The following ITPR1 variants were observed in gnomAD, a reference collection of about 807,000 sequenced individuals.
The protein encoded by ITPR1 is inositol 1,4,5-trisphosphate receptor type 1, also known as inositol 1,4,5-trisphosphate-gated calcium channel ITPR1.
In ITPR1, 96 loss-of-function variants were observed where a neutral mutation model predicts 318.4. The ratio of observed to expected loss-of-function variants is 0.30; its 90% CI spans 0.26 to 0.36. The LOEUF is 0.36. Ranked by LOEUF, ITPR1 falls within the 10% of genes least tolerant of loss-of-function variation. ITPR1 has a pLI of 1.00. For synonymous variants in ITPR1, 1,312 were observed against 1,289.9 expected (o/e 1.02, Z -0.37); for missense variants, 2,440 against 3,460.2 (o/e 0.71, Z 7.40).
At chr3:4,581,238 G>A (rs575771840) in intron 4 of ITPR1, among the ~76,000 whole-genome samples, 1 of 152,316 alleles carries the variant, frequency 6.6e-6, no homozygotes, top group South Asian at 2.1e-4. Context: ...GGCAAGGTCA[G>A]CACCTTCTGT....
At chr3:4,559,050 G>A (rs533790015) in intron 4 of ITPR1, among the ~76,000 whole-genome samples, 1 of 152,088 alleles carries the variant, frequency 6.6e-6, no homozygotes, top group East Asian at 1.9e-4. Flanking sequence ...TAGAGATGGG[G>A]TCTTGCTATG....
At chr3:4,743,835 C>CTGTT (rs539367727) in intron 44 of ITPR1, among the ~76,000 whole-genome samples, 37 of 152,074 alleles carry the variant, frequency 2.4e-4, no homozygotes, top group Non-Finnish European at 2.2e-4. Flanking sequence ...GTTCGTTTGT[C>CTGTT]TGTTTGTTTG....
At chr3:4,689,728 A>G (rs1327972057) in intron 31 of ITPR1, among the ~76,000 whole-genome samples, 1 of 152,226 alleles carries the variant, frequency 6.6e-6, no homozygotes, top group Non-Finnish European at 1.5e-5. Context: ...TAAGCCTTCT[A>G]GAAGGTAACA....
At chr3:4,495,422 G>A (rs1028162622) in intron 2 of ITPR1, among the ~76,000 whole-genome samples, 1 of 152,176 alleles carries the variant, frequency 6.6e-6, no homozygotes, top group Non-Finnish European at 1.5e-5. Context: ...TAGTGGTATA[G>A]TGCTTTTGTT....
At chr3:4,539,703 A>T (rs116963721) in intron 4 of ITPR1, among the ~76,000 whole-genome samples, 18 of 152,274 alleles carry the variant, frequency 1.2e-4, no homozygotes, top group Middle Eastern at 3.4e-3. Flanking sequence ...TAATGGGTTA[A>T]TGGATTAATG....
intron 51 of ITPR1, among the ~76,000 whole-genome samples, chr3:4,784,769 C>CGCCT (rs2047074030): frequency 6.6e-6 from 1 of 150,562 alleles, no homozygotes. Flanking sequence ...TGGTGGCACA[C>CGCCT]GCCTGTAATT....
At chr3:4,636,083 C>T (rs2093180149) in intron 5 of ITPR1, among the ~76,000 whole-genome samples, 1 of 151,446 alleles carries the variant, frequency 6.6e-6, no homozygotes, top group Non-Finnish European at 1.5e-5. Flanking sequence ...TGGTCTCGAA[C>T]TCCCGACCTC....
intron 38 of ITPR1, among the ~76,000 whole-genome samples, chr3:4,711,218 A>G (rs1321131527): frequency 5.7e-5 from 8 of 141,178 alleles, no homozygotes; most frequent in African/African-American, 2.2e-4. Context: ...CTCAAAAAAA[A>G]AAAAAAAAAA....
At chr3:4,692,546 A>G (rs1446387184) in intron 32 of ITPR1, among the ~76,000 whole-genome samples, 3 of 152,232 alleles carry the variant, frequency 2.0e-5, no homozygotes, top group Non-Finnish European at 4.4e-5. Flanking sequence ...TAGAGCTCAT[A>G]AAGGTTAGTC....
chr3:4,766,851 G>A (rs2045849540), intron 45 of ITPR1, 141 bp downstream of exon 45: 3 of 634,320 alleles, frequency 4.7e-6, no homozygotes, highest in East Asian at 2.9e-5. Context: ...TGGTTATGAT[G>A]TAATTCTTCC....
Position 4,620,654 on chromosome 3 carries a change from G to C in ITPR1, c.164-7109G>C, listed in dbSNP as rs75603900. Among the ~76,000 whole-genome samples the C allele has an allele frequency of 8.3e-5, 12 of 144,778 alleles. No individual in the cohort carries two copies. The East Asian group carries it at 2.4e-3, about 29-fold the overall frequency. 95.0% of individuals were successfully genotyped at this position (144,778 alleles called of 152,430 possible). The stretch of plus-strand genomic sequence containing the variant: ...TGGGTTTTGTAGAAGATGGAGTTGG[G>C]TTTTTTCTTCTAATTTTCTTTGTGG... On this transcript the variant is annotated intron_variant, in intron 4 of 61. Transcript: ENST00000649015.
intron 13 of ITPR1, among the ~76,000 whole-genome samples, chr3:4,660,552 T>C (rs182538103): frequency 2.0e-5 from 3 of 152,336 alleles, no homozygotes; most frequent in African/African-American, 7.2e-5. Context: ...CTTTCCCTAC[T>C]GCAAGATTAG....
chr3:4,597,000 T>C (rs990679949), intron 4 of ITPR1, among the ~76,000 whole-genome samples: 6 of 152,306 alleles, frequency 3.9e-5, no homozygotes, highest in African/African-American at 1.2e-4. Context: ...TTGTAGAGCA[T>C]TGAGTGAGTA....
chr3:4,515,777 T>C (rs1302902880), intron 2 of ITPR1, among the ~76,000 whole-genome samples: 1 of 152,196 alleles, frequency 6.6e-6, no homozygotes, highest in African/African-American at 2.4e-5. Flanking sequence ...GGGAACCTTA[T>C]TATTCTTACC....
chr3:4,717,211 C>T (rs1052774416), intron 39 of ITPR1, among the ~76,000 whole-genome samples, 156 bp from the exon 40 acceptor site: 2 of 152,174 alleles, frequency 1.3e-5, no homozygotes, highest in East Asian at 3.9e-4. Context: ...GAGCTCTGGC[C>T]GTGTCCTAAG....
chr3:4,746,460 C>T (rs1040531702), intron 44 of ITPR1, among the ~76,000 whole-genome samples: 1 of 152,210 alleles, frequency 6.6e-6, no homozygotes, highest in Non-Finnish European at 1.5e-5. Flanking sequence ...TCATGTGGGA[C>T]GTGCCCTCAT....
At chr3:4,513,039 T>C (rs2081949802) in intron 2 of ITPR1, among the ~76,000 whole-genome samples, 1 of 152,136 alleles carries the variant, frequency 6.6e-6, no homozygotes, top group African/African-American at 2.4e-5. Flanking sequence ...GAGGTGGTCC[T>C]TGTCATGGTG....
At chr3:4,739,267 A>G (rs113374269) in intron 44 of ITPR1, among the ~76,000 whole-genome samples, 2,383 of 152,340 alleles carry the variant, frequency 0.016, 78 homozygotes, top group African/African-American at 0.055. Context: ...GCTTTGCTCC[A>G]CTGAAGACAT....
Position 4,847,298 on chromosome 3 carries a change from G to A in ITPR1, c.*1073G>A, listed in dbSNP as rs1300402954. The A allele has an allele frequency of 3.3e-5, 5 of 149,488 alleles. No individual in the cohort carries two copies. Among genetic ancestry groups the A allele is most frequent in the African/African-American group, 1.2e-4 (5 of 40,496 alleles). 9.3% of individuals were successfully genotyped at this position (149,488 alleles called of 1,614,324 possible). On this transcript the variant is annotated 3_prime_UTR_variant, in exon 62 of 62. Coordinates refer to ENST00000649015, the MANE Select transcript of ITPR1 (RefSeq NM_001378452.1). The stretch of plus-strand genomic sequence containing the variant: ...ATTTTGGTTTTATTTCTTGTCACAT[G>A]ATTTCTTTTCTTGATGGATGAAAAA...
Sources: allele counts gnomAD v4.1 joint callset (sites outside exome capture counted in the v4.1 genomes callset), GRCh38; gene constraint gnomAD v4.1.1; transcripts MANE v1.5; gene names NCBI Gene and HGNC (gene_info 2026-07-23, HGNC 2026-07-21).